The following PAH variants were observed in gnomAD, a reference collection of about 807,000 sequenced individuals.
PAH encodes phenylalanine hydroxylase, also known as phenylalanine-4-hydroxylase.
PAH carries 64 observed loss-of-function variants against 62.0 expected under a neutral mutation model. The observed-to-expected ratio is 1.03, with a 90% CI of 0.84 to 1.27. The LOEUF is 1.27. Ranked by LOEUF, PAH falls within the 50% of genes most tolerant of loss-of-function variation. PAH has a pLI of 0.00. For synonymous variants in PAH, 195 were observed against 196.2 expected, an observed-to-expected ratio of 0.99 and a Z score of 0.05; for missense variants, 579 against 542.8, an observed-to-expected ratio of 1.07 and a Z score of -0.66.
intron 1 of PAH, among the ~76,000 whole-genome samples, chr12:102,933,820 G>C (rs564157749): frequency 6.6e-6 from 1 of 151,398 alleles, no homozygotes; most frequent in South Asian, 2.1e-4. Flanking sequence ...ACAATTGTTT[G>C]ACCTCTTTGT....
At chr12:102,871,338 A>G (rs2136671065) in intron 4 of PAH, among the ~76,000 whole-genome samples, 2 of 152,234 alleles carry the variant, frequency 1.3e-5, no homozygotes, top group South Asian at 4.2e-4. Context: ...TCTTGCTTTA[A>G]TTCCTTAAAC....
intron 11 of PAH, among the ~76,000 whole-genome samples, chr12:102,841,303 T>C (rs1324132327): frequency 6.6e-6 from 1 of 152,172 alleles, no homozygotes; most frequent in Non-Finnish European, 1.5e-5. Flanking sequence ...TAACAAGATG[T>C]TGCAAAGTAA....
intron 1 of PAH, among the ~76,000 whole-genome samples, chr12:102,930,979 CTGTT>C (rs1161176887): frequency 6.6e-6 from 1 of 152,054 alleles, no homozygotes; most frequent in Non-Finnish European, 1.5e-5. Context: ...AATAAATTAT[CTGTT>C]TATTCTCTCT....
At position 102,877,445 on chromosome 12, in the gene PAH, A is replaced by T. The variant is rs766114137; in HGVS notation, c.441+17T>A. The stretch of plus-strand genomic sequence containing the variant: ...AGAGGCACTGAAAAAATCTCATCCT[A>T]CGGGCCATGGACTCACAGGGTGGTC... On this transcript the variant is annotated intron_variant, in intron 4 of 12. Coordinates refer to ENST00000553106, the MANE Select transcript of PAH (RefSeq NM_000277.3). The T allele has an allele frequency of 1.9e-6, 3 of 1,596,338 alleles. No homozygotes were observed. Among genetic ancestry groups the T allele is most frequent in the Middle Eastern group, 1.7e-4 (1 of 6,032 alleles).
intron 4 of PAH, among the ~76,000 whole-genome samples, chr12:102,871,407 C>T (rs752374098): frequency 5.9e-5 from 9 of 152,128 alleles, no homozygotes; most frequent in Non-Finnish European, 1.2e-4. Flanking sequence ...TGAGTGGGAC[C>T]CTCTTCCCCA....
intron 3 of PAH, among the ~76,000 whole-genome samples, chr12:102,879,401 A>G (rs1876722693): frequency 6.6e-6 from 1 of 151,402 alleles, no homozygotes; most frequent in African/African-American, 2.4e-5. Flanking sequence ...CTAGTGGCCA[A>G]TCTGGGGAAA....
chr12:102,889,325 G>A (rs967088772), intron 3 of PAH, among the ~76,000 whole-genome samples: 5 of 152,058 alleles, frequency 3.3e-5, no homozygotes, highest in Admixed American at 6.6e-5. Context: ...AGGCAAGGAG[G>A]GGCAACAAGA....
At chr12:102,858,210 T>C (rs2264625) in intron 5 of PAH, among the ~76,000 whole-genome samples, 1 of 151,546 alleles carries the variant, frequency 6.6e-6, no homozygotes, top group Non-Finnish European at 1.5e-5. Context: ...AAACCAACAA[T>C]GATAAAAAGA....
At chr12:102,903,360 C>CAAAA (rs34480214) in intron 2 of PAH, among the ~76,000 whole-genome samples, 162 of 132,018 alleles carry the variant, frequency 1.2e-3, no homozygotes, top group African/African-American at 4.0e-3. Flanking sequence ...GATTCTGTCT[C>CAAAA]AAAAAAAAAA....
At chr12:102,868,037 CACCTATATATATGTAT>C (rs1876086893) in intron 4 of PAH, among the ~76,000 whole-genome samples, 7 of 121,750 alleles carry the variant, frequency 5.7e-5, no homozygotes, top group South Asian at 5.9e-4. Context: ...CATGTATATA[CACCTATATATATGTAT>C]ATATATACAC....
chr12:102,849,233 C>T (rs1489513861), intron 8 of PAH, among the ~76,000 whole-genome samples: 1 of 152,112 alleles, frequency 6.6e-6, no homozygotes, highest in Admixed American at 6.5e-5. Flanking sequence ...TCCCAAAGTG[C>T]TTATGGTTTG....
At chr12:102,881,276 T>G (rs1352090366) in intron 3 of PAH, among the ~76,000 whole-genome samples, 1 of 151,256 alleles carries the variant, frequency 6.6e-6, no homozygotes, top group African/African-American at 2.4e-5. Context: ...CCTCCCAAAG[T>G]TCTGGGATTA....
chr12:102,893,066 T>C (rs1004059348), intron 3 of PAH, among the ~76,000 whole-genome samples: 2 of 152,202 alleles, frequency 1.3e-5, no homozygotes, highest in Non-Finnish European at 2.9e-5. Flanking sequence ...CTCTGTACTT[T>C]CTGTGCAGTT....
intron 2 of PAH, among the ~76,000 whole-genome samples, chr12:102,912,320 G>A (rs572536863): frequency 7.9e-5 from 12 of 152,068 alleles, no homozygotes; most frequent in Non-Finnish European, 1.5e-4. Context: ...TGAAGAAAGG[G>A]ACGGTGTCTT....
upstream of PAH, among the ~76,000 whole-genome samples, chr12:102,918,652 C>T (rs9804734): frequency 0.4 from 60,579 of 150,756 alleles, 13,550 homozygotes; most frequent in African/African-American, 0.59. Context: ...TATGATGTGC[C>T]AGGCTGTCTA....
chr12:102,905,248 G>A (rs1051455852), intron 2 of PAH, among the ~76,000 whole-genome samples: 1 of 152,126 alleles, frequency 6.6e-6, no homozygotes, highest in Admixed American at 6.5e-5. Context: ...TGGAACCAAA[G>A]ATATGAATTC....
intron 5 of PAH, among the ~76,000 whole-genome samples, chr12:102,855,659 C>T (rs78225356): frequency 0.016 from 2,441 of 152,172 alleles, 76 homozygotes; most frequent in African/African-American, 0.055. Context: ...CTTACCTGCA[C>T]GGGCCAGTCA....
chr12:102,855,077 C>A (rs774209798), intron 6 of PAH, 59 bp downstream of exon 6: 3 of 1,381,120 alleles, frequency 2.2e-6, no homozygotes, highest in Middle Eastern at 1.8e-4. Flanking sequence ...CCTTCCCTCT[C>A]CTCTGCCTCA....
chr12:102,845,222 T>C (rs1874783604), intron 9 of PAH, among the ~76,000 whole-genome samples: 1 of 152,132 alleles, frequency 6.6e-6, no homozygotes, highest in African/African-American at 2.4e-5. Flanking sequence ...TGGCTGAATG[T>C]AAAGCATGAT....
Sources: allele counts gnomAD v4.1 joint callset (sites outside exome capture counted in the v4.1 genomes callset), GRCh38; gene constraint gnomAD v4.1.1; transcripts MANE v1.5; gene names NCBI Gene and HGNC (gene_info 2026-07-23, HGNC 2026-07-21).